Variants in MSRA observed in about 807,000 individuals in gnomAD.
MSRA encodes methionine sulfoxide reductase A, also known as mitochondrial peptide methionine sulfoxide reductase.
Under a neutral mutation model 31.3 loss-of-function variants are expected in MSRA, and 54 were observed. The ratio of observed to expected loss-of-function variants is 1.73; its 90% confidence interval spans 1.39 to 2.17. MSRA has a LOEUF of 2.17. MSRA is among the 30% of genes most tolerant of loss of function. The probability of loss-of-function intolerance (pLI) is 0.00; values close to 1 mark genes in which losing one functional copy is unlikely to be tolerated. For missense variants in MSRA, 507 were observed against 300.9 expected, an observed-to-expected ratio of 1.69 and a Z score of -5.07; for synonymous variants, 169 against 116.5, an observed-to-expected ratio of 1.45 and a Z score of -2.90.
intron 2 of MSRA, 87 bp from the exon 3 acceptor site, chr8:10,245,017 C>G: frequency 1.7e-6 from 2 of 1,181,914 alleles, no homozygotes; most frequent in Admixed American, 3.1e-5. Flanking sequence ...TTTTTTTTTT[C>G]TTCATGTAAC....
rs755860421 is a variant in MSRA at position 10,428,226 on chromosome 8, C to G, written c.622C>G (p.His208Asp). Residue 208 changes from histidine (H) to aspartate (D), a missense_variant, in exon 6 of 6, where the codon CAC becomes GAC. His to Asp is a moderately conservative substitution (Grantham distance 81). Transcript: ENST00000317173. ...GQTFYYAEDY[H>D]QQYLSKNPNG... ...GACTTTCTACTATGCGGAAGACTACCACCAGCAGTACCTGAGCAAGAACCC... is the reference window on the plus strand; with the variant it reads ...GACTTTCTACTATGCGGAAGACTACGACCAGCAGTACCTGAGCAAGAACCC... 6.2e-7 allele frequency: 1 copy of G among 1,614,216 alleles called. No individual in the cohort carries two copies.
intron 5 of MSRA, among the ~76,000 whole-genome samples, chr8:10,389,286 A>G (rs1019979399): frequency 1.3e-5 from 2 of 152,176 alleles, no homozygotes; most frequent in African/African-American, 4.8e-5. Context: ...TTCCGAATGG[A>G]GGAGTGATAG....
At chr8:10,374,283 A>G (rs1270292305) in intron 5 of MSRA, among the ~76,000 whole-genome samples, 2 of 152,192 alleles carry the variant, frequency 1.3e-5, no homozygotes, top group Non-Finnish European at 2.9e-5. Context: ...GAAAACTGTG[A>G]TTCTCCTAAA....
chr8:10,291,511 T>C (rs1406657926), intron 3 of MSRA, among the ~76,000 whole-genome samples: 3 of 152,188 alleles, frequency 2.0e-5, no homozygotes, highest in Non-Finnish European at 4.4e-5. Context: ...TATTAGGATT[T>C]TTTTTTTATA....
At chr8:10,144,286 C>G (rs1189483547) in intron 1 of MSRA, among the ~76,000 whole-genome samples, 1 of 152,150 alleles carries the variant, frequency 6.6e-6, no homozygotes, top group Non-Finnish European at 1.5e-5. Flanking sequence ...TTAATAGCCT[C>G]TGGAGCCAGT....
intron 5 of MSRA, among the ~76,000 whole-genome samples, chr8:10,385,806 G>T (rs1429059557): frequency 1.4e-5 from 2 of 147,548 alleles, no homozygotes; most frequent in African/African-American, 4.9e-5. Flanking sequence ...CTCACCTGGT[G>T]GGGGGTGGGG....
At chr8:10,076,971 G>A (rs572569505) in intron 1 of MSRA, among the ~76,000 whole-genome samples, 1 of 150,422 alleles carries the variant, frequency 6.6e-6, no homozygotes, top group Non-Finnish European at 1.5e-5. Context: ...TGGGTTGATA[G>A]GTAAATGTGT....
chr8:10,412,649 T>G (rs961551635), intron 5 of MSRA, among the ~76,000 whole-genome samples: 57 of 152,252 alleles, frequency 3.7e-4, no homozygotes, highest in African/African-American at 1.3e-3. Context: ...GAACAGACAC[T>G]TCACCAAAGA....
intron 2 of MSRA, among the ~76,000 whole-genome samples, chr8:10,226,703 A>ATATGTTTG (rs2129070588): frequency 6.6e-6 from 1 of 151,822 alleles, no homozygotes; most frequent in African/African-American, 2.4e-5. Context: ...GAGTATATAT[A>ATATGTTTG]TATGTTTGTT....
At chr8:10,056,129 G>A (rs995434665) in intron 1 of MSRA, among the ~76,000 whole-genome samples, 1 of 141,304 alleles carries the variant, frequency 7.1e-6, no homozygotes, top group East Asian at 2.1e-4. Context: ...TCAAATGCCA[G>A]ACTTCCTCAG....
intron 2 of MSRA, among the ~76,000 whole-genome samples, chr8:10,223,249 G>A (rs1480950184): frequency 6.6e-6 from 1 of 152,190 alleles, no homozygotes; most frequent in Non-Finnish European, 1.5e-5. Context: ...TGTTGAAAGT[G>A]TGCATTGGAT....
At chr8:10,168,259 T>C (rs1011427054) in intron 1 of MSRA, among the ~76,000 whole-genome samples, 1 of 152,302 alleles carries the variant, frequency 6.6e-6, no homozygotes, top group East Asian at 1.9e-4. Context: ...TTATTAATAA[T>C]CTTGGTTCTA....
chr8:10,402,037 A>G (rs1270426566), intron 5 of MSRA, among the ~76,000 whole-genome samples: 1 of 152,218 alleles, frequency 6.6e-6, no homozygotes, highest in Non-Finnish European at 1.5e-5. Flanking sequence ...CAATGCCTAA[A>G]ATAGTAAATA....
At chr8:10,246,831 T>A (rs1407272353) in intron 3 of MSRA, among the ~76,000 whole-genome samples, 1 of 152,210 alleles carries the variant, frequency 6.6e-6, no homozygotes, top group African/African-American at 2.4e-5. Flanking sequence ...TATTTTTTTT[T>A]AACTTCTGTT....
At chr8:10,279,393 A>C (rs1025818045) in intron 3 of MSRA, among the ~76,000 whole-genome samples, 2 of 152,204 alleles carry the variant, frequency 1.3e-5, no homozygotes, top group African/African-American at 4.8e-5. Flanking sequence ...TATCAAAGCT[A>C]ATTCCCTTTG....
chr8:10,172,556 T>C (rs1805682785), intron 1 of MSRA, among the ~76,000 whole-genome samples: 1 of 151,996 alleles, frequency 6.6e-6, no homozygotes, highest in South Asian at 2.1e-4. Context: ...ATTAGACCAG[T>C]AATGGAGGGA....
At chr8:10,111,376 C>T (rs981811164) in intron 1 of MSRA, among the ~76,000 whole-genome samples, 4 of 152,302 alleles carry the variant, frequency 2.6e-5, no homozygotes, top group African/African-American at 9.6e-5. Flanking sequence ...TCTTCTCTCT[C>T]TTGGGGCCAC....
At chr8:10,328,418 T>C (rs1181557005) in intron 5 of MSRA, among the ~76,000 whole-genome samples, 2 of 152,040 alleles carry the variant, frequency 1.3e-5, no homozygotes, top group Non-Finnish European at 2.9e-5. Flanking sequence ...TGTGCTCGCT[T>C]CTTTCATTTT....
At chr8:10,220,793 G>A (rs11249977) in intron 2 of MSRA, among the ~76,000 whole-genome samples, 31,008 of 152,078 alleles carry the variant, frequency 0.2, 3,737 homozygotes, top group Admixed American at 0.33. Context: ...TATGACCTTT[G>A]TCAGGGTGGC....
Sources: gnomAD v4.1 joint callset for allele counts (sites outside exome capture counted in the v4.1 genomes callset) on GRCh38, gnomAD v4.1.1 for gene constraint, MANE v1.5 for transcripts, NCBI Gene and HGNC (gene_info 2026-07-23, HGNC 2026-07-21) for gene names.